The following DSCAML1 variants were observed in gnomAD, a reference collection of about 807,000 sequenced individuals.
The protein encoded by DSCAML1 is cell adhesion molecule DSCAML1.
Under a neutral mutation model 200.5 loss-of-function variants are expected in DSCAML1, and 38 were observed. The observed-to-expected ratio is 0.19, with a 90% CI of 0.15 to 0.25. DSCAML1 has a LOEUF of 0.25. Among genes scored for constraint, DSCAML1 ranks in the 10% least tolerant of loss-of-function variants. The probability of loss-of-function intolerance (pLI) is 1.00; values close to 1 mark genes in which losing one functional copy is unlikely to be tolerated. For missense variants in DSCAML1, 2,223 were observed against 2,858.8 expected (o/e 0.78, Z 5.07); for synonymous variants, 1,215 against 1,165.0 (o/e 1.04, Z -0.87).
intron 3 of DSCAML1, among the ~76,000 whole-genome samples, chr11:117,755,713 G>A (rs569571050): frequency 2.1e-4 from 32 of 152,296 alleles, no homozygotes; most frequent in African/African-American, 7.7e-4. Context: ...TTTTGATGGA[G>A]TCACAAAATC....
intron 1 of DSCAML1, among the ~76,000 whole-genome samples, chr11:117,811,053 G>A (rs372979033): frequency 7.3e-5 from 11 of 151,718 alleles, no homozygotes; most frequent in Non-Finnish European, 1.5e-4. Context: ...CCTCACACCC[G>A]GTCTGACTTA....
At position 117,428,733 on chromosome 11, in the gene DSCAML1, G is replaced by A; in HGVS notation, c.5757C>T (p.Pro1919=). The part of the protein sequence containing the change: ...AFFRKADGRE[P]CPVVPPREAS... ...CCTCACGGGGTGGGACCACGGGGCA[G>A]GGCTCACGTCCATCTGCCTTTCGAA... is the stretch of plus-strand genomic sequence containing the variant. Residue 1919 remains proline, a synonymous_variant, in exon 33 of 33, where the codon CCC becomes CCT. Transcript: ENST00000651296. The A allele has an allele frequency of 1.9e-6, 3 of 1,613,064 alleles. No individual in the cohort carries two copies. Among genetic ancestry groups the A allele is most frequent in the Non-Finnish European group, 1.7e-6 (2 of 1,179,716 alleles).
chr11:117,718,882 G>A (rs1352291426), intron 3 of DSCAML1, among the ~76,000 whole-genome samples: 1 of 152,168 alleles, frequency 6.6e-6, no homozygotes, highest in Non-Finnish European at 1.5e-5. Flanking sequence ...AAAGGACCAG[G>A]CAGCAAATGT....
intron 1 of DSCAML1, among the ~76,000 whole-genome samples, chr11:117,787,165 C>T (rs2055371439): frequency 6.6e-6 from 1 of 152,216 alleles, no homozygotes; most frequent in Admixed American, 6.5e-5. Flanking sequence ...CCAGGCAAGA[C>T]TGCCTCACCT....
chr11:117,712,855 T>C (rs980740610), intron 3 of DSCAML1, among the ~76,000 whole-genome samples: 15 of 151,870 alleles, frequency 9.9e-5, no homozygotes, highest in African/African-American at 3.4e-4. Flanking sequence ...TCCCCCCGCC[T>C]CTCTCCCCAC....
chr11:117,595,981 T>C (rs1412852541), intron 3 of DSCAML1, among the ~76,000 whole-genome samples: 4 of 152,216 alleles, frequency 2.6e-5, no homozygotes, highest in Non-Finnish European at 5.9e-5. Context: ...AATTCTTTTT[T>C]GTTCTCTATT....
At chr11:117,601,663 T>A (rs777657397) in intron 3 of DSCAML1, among the ~76,000 whole-genome samples, 1 of 152,222 alleles carries the variant, frequency 6.6e-6, no homozygotes, top group Non-Finnish European at 1.5e-5. Context: ...AAGAATACAT[T>A]TCTGCAGCCT....
chr11:117,514,122 C>T (rs956532573), intron 8 of DSCAML1, among the ~76,000 whole-genome samples: 6 of 152,230 alleles, frequency 3.9e-5, no homozygotes, highest in Admixed American at 1.3e-4. Context: ...GCCAGGGGGT[C>T]CCCAGGGCCT....
At chr11:117,496,351 C>T (rs942745320) in intron 11 of DSCAML1, among the ~76,000 whole-genome samples, 3 of 152,182 alleles carry the variant, frequency 2.0e-5, no homozygotes, top group Non-Finnish European at 4.4e-5. Flanking sequence ...GCTCATCCAA[C>T]AATTTATTCT....
At chr11:117,479,442 G>A (rs2048862836) in intron 14 of DSCAML1, among the ~76,000 whole-genome samples, 1 of 152,230 alleles carries the variant, frequency 6.6e-6, no homozygotes, top group African/African-American at 2.4e-5. Flanking sequence ...GAGTGAGACA[G>A]CTGTTTTCTT....
At chr11:117,431,175 G>A (rs542309959) in intron 31 of DSCAML1, 142 bp from the exon 32 acceptor site, 23 of 767,094 alleles carry the variant, frequency 3.0e-5, no homozygotes, top group Middle Eastern at 3.7e-4. Flanking sequence ...TCCCGTGAAG[G>A]TGGCAGTGGT....
At chr11:117,611,472 T>G (rs990508547) in intron 3 of DSCAML1, 2 of 152,222 alleles carry the variant, frequency 1.3e-5, no homozygotes, top group Non-Finnish European at 2.9e-5. Flanking sequence ...ATGAGAACCA[T>G]GTCTGTTTCT....
At chr11:117,626,668 C>T (rs188653050) in intron 3 of DSCAML1, among the ~76,000 whole-genome samples, 2 of 152,272 alleles carry the variant, frequency 1.3e-5, no homozygotes, top group East Asian at 3.9e-4. Context: ...AACAAGCGCT[C>T]TCTATGCAGG....
chr11:117,499,862 G>A (rs895196236), intron 11 of DSCAML1, among the ~76,000 whole-genome samples: 4 of 152,180 alleles, frequency 2.6e-5, no homozygotes, highest in Non-Finnish European at 5.9e-5. Flanking sequence ...CCTGAAAAGG[G>A]TTCCGCATAG....
chr11:117,451,196 A>G (rs2048275622), intron 19 of DSCAML1, among the ~76,000 whole-genome samples: 1 of 152,118 alleles, frequency 6.6e-6, no homozygotes, highest in African/African-American at 2.4e-5. Flanking sequence ...AAGAAAGTCT[A>G]CCTTAGAAGT....
At chr11:117,533,285 C>T (rs1009210249) in intron 3 of DSCAML1, among the ~76,000 whole-genome samples, 3 of 152,092 alleles carry the variant, frequency 2.0e-5, no homozygotes, top group Admixed American at 6.5e-5. Flanking sequence ...TACAACTGTT[C>T]GAGATGCTAA....
chr11:117,683,162 G>A (rs2053340519), intron 3 of DSCAML1, among the ~76,000 whole-genome samples: 2 of 152,188 alleles, frequency 1.3e-5, no homozygotes, highest in African/African-American at 4.8e-5. Flanking sequence ...TGCTCCAATA[G>A]GAATTAGAGG....
intron 3 of DSCAML1, among the ~76,000 whole-genome samples, chr11:117,675,172 A>G (rs948248798): frequency 5.3e-5 from 8 of 152,182 alleles, no homozygotes; most frequent in African/African-American, 7.2e-5. Context: ...AACTTAGAAC[A>G]CTGTGTGTTA....
At chr11:117,755,125 C>T (rs2054664559) in intron 3 of DSCAML1, among the ~76,000 whole-genome samples, 1 of 152,160 alleles carries the variant, frequency 6.6e-6, no homozygotes, top group Non-Finnish European at 1.5e-5. Flanking sequence ...AATTGTGCTA[C>T]ACCTTTCAAT....
Sources: gnomAD v4.1 joint callset for allele counts (sites outside exome capture counted in the v4.1 genomes callset) on GRCh38, gnomAD v4.1.1 for gene constraint, MANE v1.5 for transcripts, NCBI Gene and HGNC (gene_info 2026-07-23, HGNC 2026-07-21) for gene names.